The following C1D variants were observed in gnomAD, a reference collection of about 807,000 sequenced individuals.
C1D encodes nuclear nucleic acid-binding protein C1D.
A neutral mutation model predicts 17.5 loss-of-function variants in C1D; 10 were observed. The ratio of observed to expected loss-of-function variants is 0.57; its 90% CI spans 0.35 to 0.97. The LOEUF is 0.97. C1D is among the 50% of genes least tolerant of loss of function. The probability of loss-of-function intolerance (pLI) is 0.01; values close to 1 mark genes in which losing one functional copy is unlikely to be tolerated. For missense variants in C1D, 136 were observed against 160.1 expected (o/e 0.85, Z 0.81); for synonymous variants, 49 against 54.0 (o/e 0.91, Z 0.40).
chr2:68,056,714 T>C (rs1220992091), intron 1 of C1D, among the ~76,000 whole-genome samples: 1 of 152,178 alleles, frequency 6.6e-6, no homozygotes, highest in Non-Finnish European at 1.5e-5. Context: ...CGCTAAAATA[T>C]GATGCCATTT....
intron 4 of C1D, 35 bp downstream of exon 4, chr2:68,045,953 C>T: frequency 7.0e-7 from 1 of 1,425,790 alleles, no homozygotes; most frequent in South Asian, 1.3e-5. Context: ...AATACAACAA[C>T]AAACACATAA....
chr2:68,048,506 T>G (rs925659152), intron 1 of C1D, among the ~76,000 whole-genome samples: 1 of 152,236 alleles, frequency 6.6e-6, no homozygotes, highest in African/African-American at 2.4e-5. Flanking sequence ...AAGTTCCTTA[T>G]AGTTCTAAAT....
chr2:68,059,957 C>A (rs1424693901), intron 1 of C1D, among the ~76,000 whole-genome samples: 1 of 152,158 alleles, frequency 6.6e-6, no homozygotes, highest in Non-Finnish European at 1.5e-5. Context: ...TATTCAACTG[C>A]CTACTCAACA....
chr2:68,046,403 G>A lies in C1D; in HGVS notation c.146C>T (p.Pro49Leu). The change falls in exon 3 of 5, where the codon CCA becomes CTA. Residue 49 changes from proline to leucine, a missense_variant. By Grantham distance (98) the Pro-to-Leu change is moderately conservative. Transcript: ENST00000410067. ...CAAATCCACTTTTGCTTGTTCAAGT[G>A]GATCCAACTGTTAAAAAAGAAAGAG... ...SRNELLQKLD[P>L]LEQAKVDLVS... 6.2e-7 allele frequency: 1 copy of A among 1,608,104 alleles called. No individual in the cohort carries two copies. The highest frequency in any genetic ancestry group is 8.5e-7 in the Non-Finnish European group (1 of 1,176,154).
intron 4 of C1D, among the ~76,000 whole-genome samples, chr2:68,045,634 G>A (rs1041072118): frequency 5.9e-5 from 9 of 151,870 alleles, no homozygotes; most frequent in African/African-American, 1.9e-4. Flanking sequence ...AAACTTTCCC[G>A]TCTTTGCTAG....
rs1671680127 is a variant in C1D at position 68,062,954 on chromosome 2, A to AT, written c.-10+3dup. On this transcript the variant is annotated splice_donor_region_variant and intron_variant, in intron 1 of 4. Transcript: ENST00000410067. ...AAAACTGAAACTACACCTTAGAAAA[A>AT]TACCTCACGGCCTTCGACTCCAGTC... The AT allele has an allele frequency of 6.6e-6, 1 of 152,238 alleles. No homozygotes were observed. The highest frequency in any genetic ancestry group is 2.4e-5 in the African/African-American group (1 of 41,440). The allele number at this position is 152,238 out of a possible 1,614,324, so 9.4% of individuals were successfully genotyped here.
intron 1 of C1D, among the ~76,000 whole-genome samples, chr2:68,051,122 T>C (rs1671267601): frequency 6.6e-6 from 1 of 152,202 alleles, no homozygotes. Flanking sequence ...CAAAGTCTAT[T>C]ATCAAGAATA....
intron 1 of C1D, among the ~76,000 whole-genome samples, chr2:68,051,928 A>C (rs542631627): frequency 1.2e-4 from 18 of 152,040 alleles, no homozygotes; most frequent in Middle Eastern, 3.4e-3. Flanking sequence ...AGGCAACTGC[A>C]TGGGAGCAGG....
chr2:68,048,375 G>A (rs1442237345), intron 1 of C1D, among the ~76,000 whole-genome samples: 1 of 152,150 alleles, frequency 6.6e-6, no homozygotes, highest in East Asian at 1.9e-4. Flanking sequence ...CAGAATGGAA[G>A]TAAAGAGACT....
chr2:68,051,880 A>G (rs1454395785), intron 1 of C1D, among the ~76,000 whole-genome samples: 1 of 151,810 alleles, frequency 6.6e-6, no homozygotes, highest in African/African-American at 2.4e-5. Flanking sequence ...CTCAATATCA[A>G]CTAACATATA....
At chr2:68,062,481 G>A (rs931155713) in intron 1 of C1D, among the ~76,000 whole-genome samples, 1 of 152,202 alleles carries the variant, frequency 6.6e-6, no homozygotes, top group Non-Finnish European at 1.5e-5. Flanking sequence ...TCTCAGATGA[G>A]CTAATACTGC....
chr2:68,045,241 A>C (rs1040632163), intron 4 of C1D, among the ~76,000 whole-genome samples: 5 of 152,218 alleles, frequency 3.3e-5, no homozygotes, highest in Non-Finnish European at 7.4e-5. Context: ...TACAATGTCA[A>C]GTGTATTTCA....
intron 1 of C1D, among the ~76,000 whole-genome samples, chr2:68,057,110 A>C (rs1025343997): frequency 7.2e-5 from 11 of 152,206 alleles, no homozygotes; most frequent in Non-Finnish European, 1.5e-5. Flanking sequence ...AGATATATTA[A>C]GTGAACAAAA....
At chr2:68,054,325 A>G (rs1257372826) in intron 1 of C1D, among the ~76,000 whole-genome samples, 3 of 152,220 alleles carry the variant, frequency 2.0e-5, no homozygotes, top group Non-Finnish European at 4.4e-5. Flanking sequence ...TTTCAACTAG[A>G]GAAGCAGAAC....
intron 1 of C1D, among the ~76,000 whole-genome samples, chr2:68,062,196 TTTTAAA>T (rs1238893013): frequency 1.3e-5 from 2 of 152,174 alleles, no homozygotes; most frequent in East Asian, 1.9e-4. Context: ...CCCACAAAAT[TTTTAAA>T]TTTAATTTTT....
chr2:68,054,227 G>A (rs998691538), intron 1 of C1D, among the ~76,000 whole-genome samples: 17 of 152,232 alleles, frequency 1.1e-4, no homozygotes, highest in African/African-American at 4.1e-4. Context: ...CCTAAACAAT[G>A]CAAGTTCTCT....
intron 2 of C1D, among the ~76,000 whole-genome samples, 155 bp downstream of exon 2, chr2:68,047,018 T>C (rs1437064633): frequency 1.3e-5 from 2 of 152,184 alleles, no homozygotes; most frequent in African/African-American, 4.8e-5. Flanking sequence ...TTTCTTTTGT[T>C]TTGTTTCCCC....
At chr2:68,052,144 AAGTC>A (rs74427489) in intron 1 of C1D, among the ~76,000 whole-genome samples, 7,426 of 152,240 alleles carry the variant, frequency 0.049, 342 homozygotes, top group East Asian at 0.27. Flanking sequence ...GAGAAGGAAA[AAGTC>A]AGAGAACAGA....
Position 68,047,163 on chromosome 2 carries a change from T to C in C1D, c.138+10A>G. ...AAATTCATTTTTAGGAAATTACATT[T>C]TTAAAATACCTTCTGCAACAACTCA... On this transcript the variant is annotated intron_variant, in intron 2 of 4. Coordinates refer to ENST00000410067, the MANE Select transcript of C1D (RefSeq NM_173177.3). 1 of 1,591,232 alleles carries C rather than the reference T, an allele frequency of 6.3e-7. No homozygotes were observed. Among genetic ancestry groups the C allele is most frequent in the South Asian group, 1.2e-5 (1 of 86,546 alleles).
Sources: gnomAD v4.1 joint callset for allele counts (sites outside exome capture counted in the v4.1 genomes callset) on GRCh38, gnomAD v4.1.1 for gene constraint, MANE v1.5 for transcripts, NCBI Gene and HGNC (gene_info 2026-07-23, HGNC 2026-07-21) for gene names.